The following ATP6V0D2 variants were observed in gnomAD, a reference collection of about 807,000 sequenced individuals.
ATP6V0D2 encodes the protein V-type proton ATPase subunit d 2.
ATP6V0D2 carries 40 observed loss-of-function variants against 40.0 expected under a neutral mutation model. That is an observed-to-expected ratio of 1.00 (90% CI 0.78 to 1.30). The LOEUF (loss-of-function observed/expected upper bound fraction) is 1.30. Ranked by LOEUF, ATP6V0D2 falls within the 50% of genes most tolerant of loss-of-function variation. ATP6V0D2 has a pLI of 0.00. For missense variants in ATP6V0D2, 470 were observed against 423.1 expected (o/e 1.11, Z -0.97); for synonymous variants, 179 against 156.3 (o/e 1.15, Z -1.08).
intron 5 of ATP6V0D2, among the ~76,000 whole-genome samples, chr8:86,143,835 T>C (rs1195540824): frequency 6.6e-6 from 1 of 152,092 alleles, no homozygotes; most frequent in Non-Finnish European, 1.5e-5. Flanking sequence ...CTATGAGCAA[T>C]GGATGGACTA....
intron 2 of ATP6V0D2, among the ~76,000 whole-genome samples, 192 bp from the exon 3 acceptor site, chr8:86,139,265 C>T (rs1024794939): frequency 2.7e-5 from 4 of 150,370 alleles, no homozygotes; most frequent in African/African-American, 9.8e-5. Context: ...TATGCTTTTT[C>T]AATTTATGAC....
intron 5 of ATP6V0D2, among the ~76,000 whole-genome samples, chr8:86,145,768 T>C (rs1819061461): frequency 6.6e-6 from 1 of 152,218 alleles, no homozygotes; most frequent in Non-Finnish European, 1.5e-5. Flanking sequence ...GGTTTGGAAA[T>C]GGTTTGCTTA....
intron 2 of ATP6V0D2, among the ~76,000 whole-genome samples, chr8:86,126,323 TAA>T (rs1280929253): frequency 1.2e-4 from 18 of 148,020 alleles, no homozygotes; most frequent in African/African-American, 4.2e-4. Flanking sequence ...GTTTGTTACT[TAA>T]GTAAACGTGT....
chr8:86,151,597 T>C lies in ATP6V0D2; in HGVS notation c.891+57T>C, dbSNP rs1268853993. On this transcript the variant is annotated intron_variant, in intron 7 of 7. Transcript: ENST00000285393. ...TTTTTCTCTTACTGTGGATTTTATATATTTTCTTACTTTGGGTTTTCTTTT... is the reference window on the plus strand; with the variant it reads ...TTTTTCTCTTACTGTGGATTTTATACATTTTCTTACTTTGGGTTTTCTTTT... 30 of 1,410,164 alleles carry C rather than the reference T, an allele frequency of 2.1e-5. No individual in the cohort carries two copies. The Admixed American group carries it at 5.5e-4, about 26-fold the overall frequency. The allele number at this position is 1,410,164 out of a possible 1,614,324, so 87.4% of individuals were successfully genotyped here.
intron 6 of ATP6V0D2, among the ~76,000 whole-genome samples, chr8:86,150,871 C>G (rs1819139948): frequency 6.6e-6 from 1 of 152,148 alleles, no homozygotes; most frequent in Admixed American, 6.5e-5. Flanking sequence ...CTTCCATTCC[C>G]TCTCACTTGC....
intron 2 of ATP6V0D2, among the ~76,000 whole-genome samples, chr8:86,135,209 G>A (rs190708043): frequency 6.6e-6 from 1 of 152,152 alleles, no homozygotes; most frequent in Non-Finnish European, 1.5e-5. Flanking sequence ...TTTTTATTCA[G>A]AGAAGAGCAA....
At chr8:86,149,052 G>GAAAAAAAAAAAAAAAAAA (rs1166858589) in intron 5 of ATP6V0D2, among the ~76,000 whole-genome samples, 6 of 69,008 alleles carry the variant, frequency 8.7e-5, no homozygotes, top group East Asian at 4.6e-4. Flanking sequence ...ATCTCCAAAG[G>GAAAAAAAAAAAAAAAAAA]AAGAAAAAAA....
intron 2 of ATP6V0D2, among the ~76,000 whole-genome samples, chr8:86,126,961 G>C (rs1192170730): frequency 6.6e-6 from 1 of 152,136 alleles, no homozygotes; most frequent in Non-Finnish European, 1.5e-5. Flanking sequence ...CAGCATTCTT[G>C]TTCTAAAATA....
At chr8:86,142,473 C>T (rs1450693897) in intron 4 of ATP6V0D2, among the ~76,000 whole-genome samples, 3 of 152,180 alleles carry the variant, frequency 2.0e-5, no homozygotes, top group Non-Finnish European at 4.4e-5. Flanking sequence ...TCCCATATAG[C>T]TCCATGCTCA....
Position 86,099,057 on chromosome 8 carries a change from C to G in ATP6V0D2, c.79C>G (p.Leu27Val), listed in dbSNP as rs1818358107. ...EGLVRGCKAS[L>V]LTQQDYINLV... ...CCTGGTTCGAGGATGCAAGGCCAGC[C>G]TCCTGACCCAGCAAGACTATATCAA... Residue 27 changes from leucine (L) to valine (V), a missense_variant, in exon 1 of 8, where the codon CTC (leucine) becomes GTC (valine). Physicochemically the swap from Leu to Val is conservative, Grantham distance 32. Coordinates refer to ENST00000285393, the MANE Select transcript of ATP6V0D2 (RefSeq NM_152565.1). 1 of 1,613,702 alleles carries G rather than the reference C, an allele frequency of 6.2e-7. No individual in the cohort carries two copies. Among genetic ancestry groups the G allele is most frequent in the Non-Finnish European group, 8.5e-7 (1 of 1,179,968 alleles).
chr8:86,103,835 G>GT (rs1158368889), intron 1 of ATP6V0D2, among the ~76,000 whole-genome samples: 2 of 151,916 alleles, frequency 1.3e-5, no homozygotes, highest in Non-Finnish European at 2.9e-5. Flanking sequence ...GTTTTTTGTT[G>GT]TTGTTTTTGA....
intron 2 of ATP6V0D2, among the ~76,000 whole-genome samples, chr8:86,130,258 T>C (rs1818804894): frequency 6.6e-6 from 1 of 152,148 alleles, no homozygotes; most frequent in Non-Finnish European, 1.5e-5. Flanking sequence ...TGCAAAAATC[T>C]CCTTTCTATC....
At chr8:86,103,689 C>G (rs900522853) in intron 1 of ATP6V0D2, among the ~76,000 whole-genome samples, 3 of 152,064 alleles carry the variant, frequency 2.0e-5, no homozygotes, top group Non-Finnish European at 4.4e-5. Context: ...AAAATGAGAA[C>G]CCCTTAAGGA....
intron 5 of ATP6V0D2, among the ~76,000 whole-genome samples, chr8:86,145,233 A>AAGAAAGAGAGAGAG (rs1554589869): frequency 5.2e-5 from 2 of 38,478 alleles, no homozygotes; most frequent in Admixed American, 5.5e-4. Context: ...GAAAGAAAGA[A>AAGAAAGAGAGAGAG]AGAGAGAGAG....
At chr8:86,107,431 T>C (rs942421186) in intron 1 of ATP6V0D2, among the ~76,000 whole-genome samples, 1 of 152,150 alleles carries the variant, frequency 6.6e-6, no homozygotes, top group Non-Finnish European at 1.5e-5. Flanking sequence ...TAACACTGAA[T>C]GAGGACAAGA....
At position 86,126,236 on chromosome 8, in the gene ATP6V0D2, C is replaced by CTATATATATATATATATATATATATATA. The variant is rs60590702; in HGVS notation, c.302+12383_302+12384insATATATATATATATATATATATATATAT. ...ATAGGCGTGAACTACCGTGCTCAGCCTATATATATATATATATATATATAT... is the reference window on the plus strand; with the variant it reads ...ATAGGCGTGAACTACCGTGCTCAGCCTATATATATATATATATATATATATATATATATATATATATATATATATATAT... On this transcript the variant is annotated intron_variant, in intron 2 of 7. Coordinates refer to ENST00000285393, the MANE Select transcript of ATP6V0D2 (RefSeq NM_152565.1). Among the ~76,000 whole-genome samples the CTATATATATATATATATATATATATATA allele has an allele frequency of 7.4e-3, 570 of 76,868 alleles. 26 individuals are homozygous for CTATATATATATATATATATATATATATA. The highest frequency in any genetic ancestry group is 0.011 in the Non-Finnish European group (389 of 33,890). 50.4% of individuals were successfully genotyped at this position (76,868 alleles called of 152,430 possible). A position where few individuals can be genotyped will look rare whatever the true frequency, so the allele number is the denominator to read the frequency against.
At chr8:86,145,312 A>G (rs1819047999) in intron 5 of ATP6V0D2, among the ~76,000 whole-genome samples, 2 of 73,114 alleles carry the variant, frequency 2.7e-5, no homozygotes, top group Admixed American at 1.3e-4. Flanking sequence ...AAAGAAAGAA[A>G]AGAAAGAAGG....
chr8:86,153,120 A>C lies in ATP6V0D2; in HGVS notation c.*143A>C. On this transcript the variant is annotated 3_prime_UTR_variant, in exon 8 of 8. Coordinates refer to ENST00000285393, the MANE Select transcript of ATP6V0D2 (RefSeq NM_152565.1). Reference sequence around the variant, plus strand: ...TCATGAGTTGCAAATCCATGGAAACACAGTAAACCAGCCCTGAAACAAAGC... The same window carrying C: ...TCATGAGTTGCAAATCCATGGAAACCCAGTAAACCAGCCCTGAAACAAAGC... The C allele has an allele frequency of 1.7e-6, 1 of 601,940 alleles. No homozygotes were observed. The highest frequency in any genetic ancestry group is 2.6e-6 in the Non-Finnish European group (1 of 381,960). The allele number at this position is 601,940 out of a possible 1,614,324, so 37.3% of individuals were successfully genotyped here.
At chr8:86,124,619 T>C (rs1161546327) in intron 2 of ATP6V0D2, among the ~76,000 whole-genome samples, 2 of 152,210 alleles carry the variant, frequency 1.3e-5, no homozygotes, top group African/African-American at 4.8e-5. Flanking sequence ...AAATGTCCCT[T>C]AGTCACTCAA....
Sources: gnomAD v4.1 joint callset for allele counts (sites outside exome capture counted in the v4.1 genomes callset) on GRCh38, gnomAD v4.1.1 for gene constraint, MANE v1.5 for transcripts, NCBI Gene and HGNC (gene_info 2026-07-23, HGNC 2026-07-21) for gene names.